USP47: variants seen among roughly 807,000 people sequenced by gnomAD.
USP47 encodes the protein ubiquitin carboxyl-terminal hydrolase 47.
USP47 carries 35 observed loss-of-function variants against 165.1 expected under a neutral mutation model. That is an observed-to-expected ratio of 0.21 (90% CI 0.16 to 0.28). The LOEUF is 0.28. USP47 is among the 10% of genes least tolerant of loss of function. The pLI, the probability that USP47 is intolerant of heterozygous loss-of-function variation, is 1.00. For missense variants in USP47, 1,277 were observed against 1,607.4 expected (o/e 0.79, Z 3.52); for synonymous variants, 531 against 544.5 (o/e 0.98, Z 0.35).
chr11:11,897,500 A>C, intron 4 of USP47, 97 bp from the exon 5 acceptor site: 1 of 923,854 alleles, frequency 1.1e-6, no homozygotes, highest in Non-Finnish European at 1.6e-6. Flanking sequence ...TAGTAACTTT[A>C]ACCTCTGAAT....
At chr11:11,878,878 CAATTAT>C (rs1850652619) in intron 1 of USP47, among the ~76,000 whole-genome samples, 1 of 151,936 alleles carries the variant, frequency 6.6e-6, no homozygotes, top group African/African-American at 2.4e-5. Context: ...CAGTACTAGC[CAATTAT>C]AATTATTCTT....
Position 11,842,015 on chromosome 11 carries a change from T to A in USP47, c.-171T>A. The A allele has an allele frequency of 4.2e-6, 3 of 713,454 alleles. No homozygotes were observed. Among genetic ancestry groups the A allele is most frequent in the Non-Finnish European group, 6.6e-6 (3 of 457,280 alleles). 44.2% of individuals were successfully genotyped at this position (713,454 alleles called of 1,614,324 possible). On this transcript the variant is annotated 5_prime_UTR_variant, in exon 1 of 28. Transcript: ENST00000527733. ...AGCGGCGGCGGCGGCGGCGGAGCCC[T>A]GGGTCGGTGTCTGCGCGCTGGTGTC...
chr11:11,878,531 G>A (rs1850626086), intron 1 of USP47: 1 of 151,950 alleles, frequency 6.6e-6, no homozygotes, highest in Admixed American at 6.5e-5. Context: ...TATTAAATGT[G>A]TTAATATAAC....
In USP47 at chr11:11,961,323, G is replaced by T. The variant is rs1384552157; in HGVS notation, c.*5148G>T. Among the ~76,000 whole-genome samples, 1 of 152,212 alleles carries T rather than the reference G, an allele frequency of 6.6e-6. No individual in the cohort carries two copies. Among genetic ancestry groups the T allele is most frequent in the African/African-American group, 2.4e-5 (1 of 41,440 alleles). ...TGCAATTAAGGTTAAGGACCTTGAC[G>T]TGGGAAGATTATTCTGGATTATCTA... is the stretch of plus-strand genomic sequence containing the variant. On this transcript the variant is annotated 3_prime_UTR_variant, in exon 28 of 28. Coordinates refer to ENST00000527733, the MANE Select transcript of USP47 (RefSeq NM_001282659.2).
chr11:11,868,872 G>T (rs11821574), intron 1 of USP47, among the ~76,000 whole-genome samples: 4,028 of 151,906 alleles, frequency 0.027, 185 homozygotes, highest in African/African-American at 0.091. Context: ...TTTATCTAAT[G>T]GTTAGTATGT....
chr11:11,952,081 GAC>G (rs1444868839), intron 24 of USP47: 2 of 152,200 alleles, frequency 1.3e-5, no homozygotes, highest in Non-Finnish European at 2.9e-5. Flanking sequence ...TAATTTGCCA[GAC>G]ACTGCTAATC....
At chr11:11,855,095 A>G (rs556396009) in intron 1 of USP47, among the ~76,000 whole-genome samples, 3 of 151,476 alleles carry the variant, frequency 2.0e-5, no homozygotes, top group Non-Finnish European at 2.9e-5. Flanking sequence ...ACTCCGTCTC[A>G]GGAAAAAAAA....
At chr11:11,894,656 C>CAATT (rs1851739437) in intron 4 of USP47, among the ~76,000 whole-genome samples, 1 of 152,142 alleles carries the variant, frequency 6.6e-6, no homozygotes, top group Non-Finnish European at 1.5e-5. Context: ...TGTCTTCTGA[C>CAATT]AATTGATTCA....
intron 8 of USP47, among the ~76,000 whole-genome samples, chr11:11,910,579 G>C (rs1023229402): frequency 6.6e-6 from 1 of 151,914 alleles, no homozygotes; most frequent in Non-Finnish European, 1.5e-5. Flanking sequence ...GTCAGTGTTG[G>C]GGTGTAGTAC....
rs1851033792 is a variant in USP47 at position 11,884,551 on chromosome 11, A to C, written c.328A>C (p.Lys110Gln). The C allele has an allele frequency of 2.5e-6, 4 of 1,609,832 alleles. No homozygotes were observed. The African/African-American group carries it at 4.0e-5, about 16-fold the overall frequency. Reference sequence around the variant, plus strand: ...GAAGAACTTTCTGCATTTGACAGATAAAGATGGTGAACAACCTCAAATACT... The same window carrying C: ...GAAGAACTTTCTGCATTTGACAGATCAAGATGGTGAACAACCTCAAATACT... ...GKKNFLHLTD[K>Q]DGEQPQILLE... The change falls in exon 3 of 28, where the codon AAA becomes CAA. Residue 110 changes from lysine (K) to glutamine (Q), a missense_variant. Physicochemically the swap from Lys to Gln is moderately conservative, Grantham distance 53 (BLOSUM62 1). Coordinates refer to ENST00000527733, the MANE Select transcript of USP47 (RefSeq NM_001282659.2).
rs1238073511 is a variant in USP47 at position 11,927,821 on chromosome 11, TATC to T, written c.1387-1610_1387-1608del. ...TTTTTATGTAATTTTATTTACAAAT[TATC>T]ATGCTACATTTGGATGAAGGCACTT... On this transcript the variant is annotated intron_variant, in intron 11 of 27. Coordinates refer to ENST00000527733, the MANE Select transcript of USP47 (RefSeq NM_001282659.2). Among the ~76,000 whole-genome samples, 5 of 152,128 alleles carry T rather than the reference TATC, an allele frequency of 3.3e-5. No homozygotes were observed. The East Asian group carries it at 9.6e-4, about 29-fold the overall frequency.
chr11:11,940,311 TTA>T, intron 18 of USP47, 116 bp from the exon 19 acceptor site: 1 of 1,065,092 alleles, frequency 9.4e-7, no homozygotes, highest in South Asian at 2.5e-5. Flanking sequence ...TCTACTAAAA[TTA>T]TGTTTCTCTC....
chr11:11,956,834 T>A lies in USP47; in HGVS notation c.*659T>A, dbSNP rs952449682. 1 of 152,536 alleles carries A rather than the reference T, an allele frequency of 6.6e-6. No individual in the cohort carries two copies. The highest frequency in any genetic ancestry group is 6.5e-5 in the Admixed American group (1 of 15,290). 9.4% of individuals were successfully genotyped at this position (152,536 alleles called of 1,614,324 possible). A position where few individuals can be genotyped will look rare whatever the true frequency, so the allele number is the denominator to read the frequency against. On this transcript the variant is annotated 3_prime_UTR_variant, in exon 28 of 28. Transcript: ENST00000527733. ...CGATCCCAGCAGGTGGCAGCTCAGATTGCTGCAGTGTTGTAATTATAACTG... is the reference window on the plus strand; with the variant it reads ...CGATCCCAGCAGGTGGCAGCTCAGAATGCTGCAGTGTTGTAATTATAACTG...
chr11:11,908,463 A>G (rs1267230371), intron 8 of USP47, among the ~76,000 whole-genome samples: 1 of 151,982 alleles, frequency 6.6e-6, no homozygotes, highest in Non-Finnish European at 1.5e-5. Context: ...TTAAACCTTC[A>G]TCTAAAATGT....
At position 11,936,413 on chromosome 11, in the gene USP47, G is replaced by A. The variant is rs1855072555; in HGVS notation, c.1980G>A (p.Met660Ile). ...ATGAAGGAGAAGAAGATACACCAAT[G>A]GGGCTTCTACTAGGTGGCGTCAAGT... ...RSYEGEEDTPMGLLLGGVKST... is the reference protein window; with the variant it reads ...RSYEGEEDTPIGLLLGGVKST... Residue 660 changes from methionine (M) to isoleucine (I), a missense_variant, in exon 17 of 28, where the codon ATG becomes ATA. Met to Ile is a conservative substitution (Grantham distance 10). Coordinates refer to ENST00000527733, the MANE Select transcript of USP47 (RefSeq NM_001282659.2). The A allele has an allele frequency of 6.2e-7, 1 of 1,610,196 alleles. No individual in the cohort carries two copies. Among genetic ancestry groups the A allele is most frequent in the Admixed American group, 1.7e-5 (1 of 59,774 alleles).
intron 25 of USP47, 40 bp downstream of exon 25, chr11:11,952,911 T>G (rs368933784): frequency 7.3e-7 from 1 of 1,377,576 alleles, no homozygotes; most frequent in Non-Finnish European, 9.5e-7. Flanking sequence ...TTATGTTGTA[T>G]ATGTATATCA....
At chr11:11,915,117 G>A (rs1374999851) in intron 8 of USP47, among the ~76,000 whole-genome samples, 1 of 152,078 alleles carries the variant, frequency 6.6e-6, no homozygotes, top group African/African-American at 2.4e-5. Context: ...ACAAACTGTG[G>A]TTCATACAAA....
intron 19 of USP47, among the ~76,000 whole-genome samples, chr11:11,940,832 C>T (rs1037244586): frequency 6.6e-6 from 1 of 151,330 alleles, no homozygotes; most frequent in Non-Finnish European, 1.5e-5. Flanking sequence ...TTTCAGTCTC[C>T]AGATTAGTCC....
At chr11:11,873,176 AAT>A (rs1850181245) in intron 1 of USP47, among the ~76,000 whole-genome samples, 1 of 152,164 alleles carries the variant, frequency 6.6e-6, no homozygotes, top group Non-Finnish European at 1.5e-5. Context: ...CTTTCAAGAG[AAT>A]ATGTTGATTT....
Sources: allele counts gnomAD v4.1 joint callset (sites outside exome capture counted in the v4.1 genomes callset), GRCh38; gene constraint gnomAD v4.1.1; transcripts MANE v1.5; gene names NCBI Gene and HGNC (gene_info 2026-07-23, HGNC 2026-07-21).